Variants in PNPLA8 observed in about 807,000 individuals in gnomAD.
PNPLA8 encodes calcium-independent phospholipase A2-gamma.
Under a neutral mutation model 76.9 loss-of-function variants are expected in PNPLA8, and 39 were observed. That is an observed-to-expected ratio of 0.51 (90% CI 0.39 to 0.66). The LOEUF is 0.66. PNPLA8 is among the 30% of genes least tolerant of loss of function. The pLI, the probability that PNPLA8 is intolerant of heterozygous loss-of-function variation, is 0.00. For missense variants in PNPLA8, 887 were observed against 918.0 expected, an observed-to-expected ratio of 0.97 and a Z score of 0.44; for synonymous variants, 301 against 307.9, an observed-to-expected ratio of 0.98 and a Z score of 0.24.
intron 4 of PNPLA8, among the ~76,000 whole-genome samples, chr7:108,511,919 T>C (rs1021838617): frequency 1.3e-5 from 2 of 152,238 alleles, no homozygotes; most frequent in Non-Finnish European, 2.9e-5. Context: ...TGTTCACCAA[T>C]ACACTGTTTG....
Position 108,515,170 on chromosome 7 carries a change from A to T in PNPLA8, c.322T>A (p.Leu108Met). 1 of 1,607,654 alleles carries T rather than the reference A, an allele frequency of 6.2e-7. No homozygotes were observed. Among genetic ancestry groups the T allele is most frequent in the Non-Finnish European group, 8.5e-7 (1 of 1,175,852 alleles). The change falls in exon 3 of 11, where the codon TTG (leucine) becomes ATG (methionine). Residue 108 changes from leucine to methionine, a missense_variant. Leu to Met is a conservative substitution (Grantham distance 15). Coordinates refer to ENST00000257694, the MANE Select transcript of PNPLA8 (RefSeq NM_001256007.3). ...NICMSRIKST[L>M]NSVSKAVFGN... is the part of the protein sequence containing the mutation. Reference sequence around the variant, plus strand: ...AAAACAGCCTTTGAAACAGAGTTCAAAGTACTTTTAATACGGGACATACAA... The same window carrying T: ...AAAACAGCCTTTGAAACAGAGTTCATAGTACTTTTAATACGGGACATACAA...
intron 2 of PNPLA8, among the ~76,000 whole-genome samples, chr7:108,520,427 G>C (rs1479289041): frequency 1.3e-5 from 2 of 152,186 alleles, no homozygotes; most frequent in Admixed American, 6.5e-5. Flanking sequence ...CAGAGGCTAG[G>C]AACAGTGTGT....
chr7:108,515,312 G>C lies in PNPLA8; in HGVS notation c.180C>G (p.Thr60=). Residue 60 remains threonine (T), a synonymous_variant, in exon 3 of 11, where the codon ACC becomes ACG. Coordinates refer to ENST00000257694, the MANE Select transcript of PNPLA8 (RefSeq NM_001256007.3). ...FHTNIIRCKW[T]KSEAHSCSKH... ...TACTGCAAGAATGTGCTTCACTTTT[G>C]GTCCATTTACATCTTATTATGTTTG... The C allele has an allele frequency of 6.2e-7, 1 of 1,612,158 alleles. No homozygotes were observed.
chr7:108,526,790 T>C (rs372529964), upstream of PNPLA8, among the ~76,000 whole-genome samples: 1 of 152,228 alleles, frequency 6.6e-6, no homozygotes, highest in African/African-American at 2.4e-5. Flanking sequence ...ATTTCATACG[T>C]ACCACAGGGG....
chr7:108,505,232 A>C (rs40853), intron 4 of PNPLA8, among the ~76,000 whole-genome samples: 6,016 of 142,146 alleles, frequency 0.042, 459 homozygotes, highest in African/African-American at 0.15. Flanking sequence ...AACCAAATCT[A>C]TTCTAGATGA....
chr7:108,491,577 A>G (rs1464738716), intron 7 of PNPLA8, 110 bp from the exon 8 acceptor site: 1 of 726,002 alleles, frequency 1.4e-6, no homozygotes, highest in African/African-American at 1.8e-5. Context: ...TCAAAGTGCT[A>G]TGAAGGAAAA....
upstream of PNPLA8, among the ~76,000 whole-genome samples, chr7:108,526,794 A>G (rs1864114052): frequency 6.6e-6 from 1 of 152,242 alleles, no homozygotes; most frequent in African/African-American, 2.4e-5. Flanking sequence ...CATACGTACC[A>G]CAGGGGCAAA....
intron 9 of PNPLA8, among the ~76,000 whole-genome samples, chr7:108,480,514 A>C (rs1223593675): frequency 6.6e-6 from 1 of 152,194 alleles, no homozygotes; most frequent in Non-Finnish European, 1.5e-5. Flanking sequence ...GCATTTCTTC[A>C]GTGGTAAACC....
At chr7:108,492,735 C>A (rs529279157) in intron 7 of PNPLA8, among the ~76,000 whole-genome samples, 1 of 151,868 alleles carries the variant, frequency 6.6e-6, no homozygotes, top group African/African-American at 2.4e-5. Flanking sequence ...AAACAATGGG[C>A]GAAAAAATGC....
intron 10 of PNPLA8, among the ~76,000 whole-genome samples, chr7:108,472,878 C>T (rs1310708690): frequency 6.6e-6 from 1 of 152,152 alleles, no homozygotes; most frequent in Non-Finnish European, 1.5e-5. Flanking sequence ...TTCCAAAATA[C>T]ATTATTCTGT....
intron 10 of PNPLA8, among the ~76,000 whole-genome samples, chr7:108,475,313 C>T (rs1049691221): frequency 6.6e-5 from 10 of 151,962 alleles, no homozygotes; most frequent in Admixed American, 5.9e-4. Flanking sequence ...ATCCCAAAAC[C>T]ATCCCTCCCC....
At chr7:108,510,326 C>T in intron 4 of PNPLA8, 1 of 1,586,838 alleles carries the variant, frequency 6.3e-7, no homozygotes, top group Non-Finnish European at 8.5e-7. Flanking sequence ...GATGAAGCGC[C>T]TGAGAAAGAA....
intron 6 of PNPLA8, among the ~76,000 whole-genome samples, chr7:108,497,165 T>C (rs1267858095): frequency 2.0e-5 from 3 of 152,234 alleles, no homozygotes; most frequent in Non-Finnish European, 4.4e-5. Context: ...ATATGGTATA[T>C]TTGACAACTC....
chr7:108,498,118 A>C (rs1346479377), intron 5 of PNPLA8, among the ~76,000 whole-genome samples: 1 of 143,176 alleles, frequency 7.0e-6, no homozygotes, highest in Non-Finnish European at 1.5e-5. Flanking sequence ...TAAAATTGAA[A>C]AAAAAAACAA....
chr7:108,488,763 TATA>T (rs753865565), intron 8 of PNPLA8, among the ~76,000 whole-genome samples: 7 of 152,226 alleles, frequency 4.6e-5, no homozygotes, highest in Admixed American at 6.5e-5. Context: ...ATTAAAAAAC[TATA>T]ATGTCAACCA....
At chr7:108,505,075 CA>C (rs1294145873) in intron 4 of PNPLA8, among the ~76,000 whole-genome samples, 2 of 151,338 alleles carry the variant, frequency 1.3e-5, no homozygotes, top group African/African-American at 4.9e-5. Context: ...AACTCCATCT[CA>C]AAAAATACAT....
intron 4 of PNPLA8, among the ~76,000 whole-genome samples, chr7:108,510,072 A>G (rs1264738178): frequency 7.1e-6 from 1 of 140,276 alleles, no homozygotes; most frequent in Non-Finnish European, 1.5e-5. Flanking sequence ...GATATACCTA[A>G]TGCTAGATGA....
chr7:108,474,432 A>C (rs1055971676), intron 10 of PNPLA8, among the ~76,000 whole-genome samples: 4 of 152,210 alleles, frequency 2.6e-5, no homozygotes, highest in African/African-American at 9.6e-5. Context: ...TAGATTAAAA[A>C]GGAAGTAAAA....
intron 4 of PNPLA8, among the ~76,000 whole-genome samples, chr7:108,511,567 C>T (rs940813041): frequency 2.6e-5 from 4 of 152,108 alleles, no homozygotes; most frequent in Non-Finnish European, 4.4e-5. Flanking sequence ...ATCCAGAAAG[C>T]GAGTCTTTCT....
Sources: gnomAD v4.1 joint callset for allele counts (sites outside exome capture counted in the v4.1 genomes callset) on GRCh38, gnomAD v4.1.1 for gene constraint, MANE v1.5 for transcripts, NCBI Gene and HGNC (gene_info 2026-07-23, HGNC 2026-07-21) for gene names.